The following NPFFR2 variants were observed in gnomAD, a reference collection of about 807,000 sequenced individuals.
NPFFR2 encodes the protein neuropeptide FF receptor 2, also known as G-protein coupled receptor 74.
In NPFFR2, 15 loss-of-function variants were observed where a neutral mutation model predicts 13.1. The ratio of observed to expected loss-of-function variants is 1.15; its 90% CI spans 0.77 to 1.76. NPFFR2 has a LOEUF of 1.76. Among genes scored for constraint, NPFFR2 ranks in the 40% most tolerant of loss-of-function variants. The pLI is 0.00. For missense variants in NPFFR2, 572 were observed against 503.5 expected (o/e 1.14, Z -1.30); for synonymous variants, 190 against 175.7 (o/e 1.08, Z -0.65).
At chr4:72,089,495 T>C (rs1578447773) in intron 1 of NPFFR2, among the ~76,000 whole-genome samples, 1 of 152,200 alleles carries the variant, frequency 6.6e-6, no homozygotes, top group East Asian at 1.9e-4. Flanking sequence ...CTATTATTTT[T>C]TGATATTTTG....
intron 1 of NPFFR2, among the ~76,000 whole-genome samples, chr4:72,048,439 CT>C (rs1719441501): frequency 6.6e-6 from 1 of 152,106 alleles, no homozygotes. Flanking sequence ...CTTAATTTTT[CT>C]TGGCCTCTTA....
chr4:72,109,501 T>C (rs1721505451), intron 1 of NPFFR2, among the ~76,000 whole-genome samples: 1 of 152,016 alleles, frequency 6.6e-6, no homozygotes, highest in African/African-American at 2.4e-5. Flanking sequence ...GTTGACTGAC[T>C]GTGGGGTGCA....
At position 72,147,430 on chromosome 4, in the gene NPFFR2, T is replaced by A; in HGVS notation, c.881T>A (p.Met294Lys). 3.1e-6 allele frequency: 5 copies of A among 1,614,194 alleles called. No individual in the cohort carries two copies. In the South Asian group the frequency reaches 5.5e-5, roughly 18 times the overall value. Residue 294 changes from methionine to lysine, a missense_variant, in exon 4 of 4, where the codon ATG becomes AAG. Transcript: ENST00000308744. ...ILSWLPLWTLMMLSDYADLSP... is the reference protein window; with the variant it reads ...ILSWLPLWTLKMLSDYADLSP... ...TCATGGCTGCCCCTGTGGACTCTAA[T>A]GATGCTCTCAGACTACGCTGACCTT... is the stretch of plus-strand genomic sequence containing the variant.
At position 72,147,485 on chromosome 4, in the gene NPFFR2, C is replaced by T. The variant is rs149158376; in HGVS notation, c.936C>T (p.Ile312=). 6.2e-7 allele frequency: 1 copy of T among 1,614,194 alleles called. No individual in the cohort carries two copies. Among genetic ancestry groups the T allele is most frequent in the South Asian group, 1.1e-5 (1 of 91,086 alleles). ...CAAATGAACTGCAGATCATCAACAT[C>T]TACATCTACCCTTTTGCACACTGGC... The part of the protein sequence containing the change: ...LSPNELQIIN[I]YIYPFAHWLA... Residue 312 remains isoleucine (I), a synonymous_variant, in exon 4 of 4, where the codon ATC becomes ATT. Transcript: ENST00000308744.
At chr4:72,136,925 C>A (rs1252506929) in intron 2 of NPFFR2, among the ~76,000 whole-genome samples, 1 of 151,972 alleles carries the variant, frequency 6.6e-6, no homozygotes, top group Non-Finnish European at 1.5e-5. Flanking sequence ...GATTTATGCT[C>A]TTTTATCCTA....
At chr4:72,127,525 G>A (rs1251250315) in intron 1 of NPFFR2, among the ~76,000 whole-genome samples, 73 of 143,544 alleles carry the variant, frequency 5.1e-4, no homozygotes, top group African/African-American at 1.7e-3. Flanking sequence ...CACCACGCCC[G>A]GCTAATTTTT....
chr4:72,140,486 C>G (rs2109846147), intron 3 of NPFFR2, among the ~76,000 whole-genome samples: 1 of 152,222 alleles, frequency 6.6e-6, no homozygotes, highest in Non-Finnish European at 1.5e-5. Context: ...TGAATTTTGT[C>G]AAAGGCCTTT....
intron 3 of NPFFR2, chr4:72,146,380 T>C (rs1479413548): frequency 6.6e-6 from 1 of 152,184 alleles, no homozygotes; most frequent in African/African-American, 2.4e-5. Flanking sequence ...CTGCCCCACA[T>C]GCAAGTGTAT....
At chr4:72,057,684 G>C (rs1331895133) in intron 1 of NPFFR2, among the ~76,000 whole-genome samples, 1 of 151,890 alleles carries the variant, frequency 6.6e-6, no homozygotes, top group African/African-American at 2.4e-5. Flanking sequence ...CAAATCTTTG[G>C]AGGAGTCACA....
At chr4:72,136,761 T>C (rs1722429406) in intron 2 of NPFFR2, among the ~76,000 whole-genome samples, 1 of 152,208 alleles carries the variant, frequency 6.6e-6, no homozygotes, top group African/African-American at 2.4e-5. Context: ...TTTAGAGTAC[T>C]TATGGTTCTG....
intron 1 of NPFFR2, among the ~76,000 whole-genome samples, chr4:72,060,433 A>ATTGACCAATGCATTTCC (rs1719887795): frequency 6.6e-6 from 1 of 152,112 alleles, no homozygotes; most frequent in African/African-American, 2.4e-5. Flanking sequence ...CTGGCATTTC[A>ATTGACCAATGCATTTCC]CTGACCAATG....
intron 1 of NPFFR2, among the ~76,000 whole-genome samples, chr4:72,091,258 C>T (rs1720911264): frequency 6.6e-6 from 1 of 152,146 alleles, no homozygotes; most frequent in Non-Finnish European, 1.5e-5. Context: ...AGGATTTTTG[C>T]ATGTGTGTTC....
At chr4:72,045,180 A>ACT (rs1719339844) in intron 1 of NPFFR2, among the ~76,000 whole-genome samples, 1 of 152,122 alleles carries the variant, frequency 6.6e-6, no homozygotes, top group African/African-American at 2.4e-5. Context: ...TCCCTTTGTC[A>ACT]AAAATCAGTT....
rs528193833 is a variant in NPFFR2, at chr4:72,054,147, T to C, written c.-8+21947T>C. Among the ~76,000 whole-genome samples, 26 of 152,024 alleles carry C rather than the reference T, an allele frequency of 1.7e-4. No individual in the cohort carries two copies. The South Asian group carries it at 5.2e-3, about 30-fold the overall frequency. On this transcript the variant is annotated intron_variant, in intron 1 of 3. Transcript: ENST00000308744. ...TTTTTTTGAAGAAAATAATAAGCTA[T>C]TAATGTATATGGAAAAGCAAACAAC...
chr4:72,079,392 T>A (rs1720537009), intron 1 of NPFFR2, among the ~76,000 whole-genome samples: 1 of 152,168 alleles, frequency 6.6e-6, no homozygotes. Flanking sequence ...ATTTTGTGGT[T>A]TGATGCATGC....
At chr4:72,034,990 A>AAT (rs1719008825) in intron 1 of NPFFR2, among the ~76,000 whole-genome samples, 4 of 152,240 alleles carry the variant, frequency 2.6e-5, no homozygotes, top group African/African-American at 7.2e-5. Flanking sequence ...GCCTCAGGCA[A>AAT]ATCATTTAAC....
At chr4:72,110,628 C>T (rs937456199) in intron 1 of NPFFR2, among the ~76,000 whole-genome samples, 6 of 151,988 alleles carry the variant, frequency 3.9e-5, no homozygotes, top group African/African-American at 1.2e-4. Flanking sequence ...GACCACCACT[C>T]AGTAAGAAGC....
Position 72,118,720 on chromosome 4 carries a change from A to C in NPFFR2, c.-7-9865A>C, listed in dbSNP as rs897316854. Among the ~76,000 whole-genome samples the C allele has an allele frequency of 3.9e-5, 6 of 152,186 alleles. No homozygotes were observed. The South Asian group carries it at 1.2e-3, about 31-fold the overall frequency. ...ATGAGATTAATTAATACATTTAACAAATACTTATTGAGCACCAATTATTGG... is the reference window on the plus strand; with the variant it reads ...ATGAGATTAATTAATACATTTAACACATACTTATTGAGCACCAATTATTGG... On this transcript the variant is annotated intron_variant, in intron 1 of 3. Coordinates refer to ENST00000308744, the MANE Select transcript of NPFFR2 (RefSeq NM_004885.3).
At chr4:72,141,450 G>A (rs1188390644) in intron 3 of NPFFR2, among the ~76,000 whole-genome samples, 1 of 152,124 alleles carries the variant, frequency 6.6e-6, no homozygotes, top group Non-Finnish European at 1.5e-5. Flanking sequence ...AGAGATTCTG[G>A]TATGTTGTGT....
Sources: allele counts gnomAD v4.1 joint callset (sites outside exome capture counted in the v4.1 genomes callset), GRCh38; gene constraint gnomAD v4.1.1; transcripts MANE v1.5; gene names NCBI Gene and HGNC (gene_info 2026-07-23, HGNC 2026-07-21).